Variants in OTUD7A observed in about 807,000 individuals in gnomAD.
OTUD7A encodes the protein OTU deubiquitinase 7A.
Under a neutral mutation model 65.7 loss-of-function variants are expected in OTUD7A, and 12 were observed. The ratio of observed to expected loss-of-function variants is 0.18; its 90% CI spans 0.12 to 0.30. The LOEUF (loss-of-function observed/expected upper bound fraction) is 0.30. Among genes scored for constraint, OTUD7A ranks in the 10% least tolerant of loss-of-function variants. The probability of loss-of-function intolerance (pLI) is 1.00; values close to 1 mark genes in which losing one functional copy is unlikely to be tolerated. For missense variants in OTUD7A, 1,148 were observed against 1,304.8 expected (o/e 0.88, Z 1.85); for synonymous variants, 641 against 586.3 (o/e 1.09, Z -1.35).
At chr15:31,604,047 G>A (rs1890163044) in intron 3 of OTUD7A, among the ~76,000 whole-genome samples, 1 of 152,176 alleles carries the variant, frequency 6.6e-6, no homozygotes, top group Non-Finnish European at 1.5e-5. Flanking sequence ...GATTCCTCAA[G>A]GATCTATAAC....
At chr15:31,560,254 C>T (rs1888646894) in intron 4 of OTUD7A, among the ~76,000 whole-genome samples, 1 of 152,216 alleles carries the variant, frequency 6.6e-6, no homozygotes. Context: ...TCCTACATGG[C>T]CCTCCCAGGA....
chr15:31,777,279 C>T (rs1050342251), intron 1 of OTUD7A, among the ~76,000 whole-genome samples: 74 of 152,328 alleles, frequency 4.9e-4, no homozygotes, highest in African/African-American at 1.6e-3. Flanking sequence ...GACCTTATCA[C>T]CTCCCTAAGG....
chr15:31,755,531 C>T (rs1894787676), intron 1 of OTUD7A, among the ~76,000 whole-genome samples: 1 of 152,100 alleles, frequency 6.6e-6, no homozygotes, highest in South Asian at 2.1e-4. Context: ...ACCATTCTGG[C>T]TAACACGGTG....
intron 8 of OTUD7A, among the ~76,000 whole-genome samples, chr15:31,514,503 T>C (rs2041813364): frequency 6.6e-6 from 1 of 152,258 alleles, no homozygotes; most frequent in African/African-American, 2.4e-5. Flanking sequence ...TCAATATTTA[T>C]AGAAAACCTT....
Position 31,527,259 on chromosome 15 carries a change from A to G in OTUD7A, c.702T>C (p.Tyr234=). The change falls in exon 7 of 13, where the codon TAT becomes TAC. Residue 234 remains tyrosine (Y), a synonymous_variant. Coordinates refer to ENST00000307050, the MANE Select transcript of OTUD7A (RefSeq NM_001382637.1). ...TCTCAGCTCCCGTCCTCATCATGGT[A>G]TAGAGAGCTTTCCGTAACACCAGGT... is the stretch of plus-strand genomic sequence containing the variant. ...DRDLVLRKAL[Y]TMMRTGAERE... 1.2e-6 allele frequency: 2 copies of G among 1,614,178 alleles called. No individual in the cohort carries two copies. The highest frequency in any genetic ancestry group is 1.7e-6 in the Non-Finnish European group (2 of 1,180,024).
intron 3 of OTUD7A, among the ~76,000 whole-genome samples, chr15:31,583,318 C>A (rs553020733): frequency 6.6e-6 from 1 of 152,282 alleles, no homozygotes; most frequent in African/African-American, 2.4e-5. Flanking sequence ...AGATGCATGG[C>A]AGAGGCAGAC....
intron 1 of OTUD7A, among the ~76,000 whole-genome samples, 174 bp downstream of exon 1, chr15:31,870,333 C>CCCCCCGCGT (rs1897994446): frequency 2.7e-5 from 4 of 146,434 alleles, no homozygotes; most frequent in African/African-American, 7.4e-5. Flanking sequence ...GGGGCCCGCG[C>CCCCCCGCGT]CCCCCGCGTC....
chr15:31,526,190 G>A (rs749103313), intron 8 of OTUD7A, among the ~76,000 whole-genome samples, 159 bp downstream of exon 8: 37 of 152,268 alleles, frequency 2.4e-4, no homozygotes, highest in Middle Eastern at 3.4e-3. Context: ...CCTCCCGTGC[G>A]TCCTTGTCTT....
At chr15:31,548,498 G>C (rs1264817565) in intron 5 of OTUD7A, among the ~76,000 whole-genome samples, 1 of 152,132 alleles carries the variant, frequency 6.6e-6, no homozygotes, top group African/African-American at 2.4e-5. Context: ...AGGTCTCGTG[G>C]CATGGGCAGG....
intron 1 of OTUD7A, among the ~76,000 whole-genome samples, chr15:31,785,568 T>A (rs1334823081): frequency 1.3e-5 from 2 of 152,148 alleles, no homozygotes; most frequent in Admixed American, 6.5e-5. Flanking sequence ...CTGACCAACT[T>A]GGAAGCTACT....
At chr15:31,575,195 G>A (rs1262818920) in intron 3 of OTUD7A, among the ~76,000 whole-genome samples, 1 of 152,196 alleles carries the variant, frequency 6.6e-6, no homozygotes, top group Non-Finnish European at 1.5e-5. Context: ...AATAAGTCAA[G>A]TAGCCAACCT....
intron 3 of OTUD7A, among the ~76,000 whole-genome samples, chr15:31,633,095 G>A (rs1891230095): frequency 6.6e-6 from 1 of 152,232 alleles, no homozygotes; most frequent in Non-Finnish European, 1.5e-5. Flanking sequence ...GCCTTGCCCT[G>A]CTTCGGCCCA....
chr15:31,686,458 C>T (rs1023997772), intron 1 of OTUD7A, among the ~76,000 whole-genome samples: 30 of 152,244 alleles, frequency 2.0e-4, no homozygotes, highest in Admixed American at 2.0e-3. Flanking sequence ...CAGTGATTTC[C>T]TTGGTGTTGA....
chr15:31,734,763 A>T (rs1214077145), intron 1 of OTUD7A, among the ~76,000 whole-genome samples: 1 of 151,920 alleles, frequency 6.6e-6, no homozygotes, highest in Non-Finnish European at 1.5e-5. Flanking sequence ...CTCAAGATGG[A>T]TTAAAGACTT....
chr15:31,645,526 CATG>C (rs1198956796), intron 3 of OTUD7A, among the ~76,000 whole-genome samples: 1 of 152,224 alleles, frequency 6.6e-6, no homozygotes, highest in Non-Finnish European at 1.5e-5. Context: ...AAAACCCCTG[CATG>C]ATATTACTTC....
intron 1 of OTUD7A, among the ~76,000 whole-genome samples, chr15:31,795,077 T>C (rs1043878977): frequency 2.6e-5 from 4 of 152,242 alleles, no homozygotes; most frequent in Non-Finnish European, 5.9e-5. Context: ...AATGAGACTA[T>C]CCTTTGAAGA....
At chr15:31,511,060 CATACAT>C (rs1185545624) in intron 8 of OTUD7A, among the ~76,000 whole-genome samples, 3 of 67,820 alleles carry the variant, frequency 4.4e-5, no homozygotes, top group African/African-American at 9.6e-5. Flanking sequence ...CTATATGTAA[CATACAT>C]ATATATGTAT....
rs145581747 is a variant in OTUD7A at position 31,796,142 on chromosome 15, C to CGTGTGTGTGTGTGTGTGTGTGTGT, written c.-100+74341_-100+74364dup. Among the ~76,000 whole-genome samples the CGTGTGTGTGTGTGTGTGTGTGTGT allele has an allele frequency of 2.7e-3, 402 of 148,110 alleles. 13 individuals are homozygous for CGTGTGTGTGTGTGTGTGTGTGTGT. Among genetic ancestry groups the CGTGTGTGTGTGTGTGTGTGTGTGT allele is most frequent in the Admixed American group, 0.025 (376 of 14,822 alleles). On this transcript the variant is annotated intron_variant, in intron 1 of 12. Coordinates refer to ENST00000307050, the MANE Select transcript of OTUD7A (RefSeq NM_001382637.1). Reference sequence around the variant, plus strand: ...AGAGAAGCAGAACCAGTAAGGGGTGCGTGTGTGTGTGTGTGTGTGTGTGTA... The same window carrying CGTGTGTGTGTGTGTGTGTGTGTGT: ...AGAGAAGCAGAACCAGTAAGGGGTGCGTGTGTGTGTGTGTGTGTGTGTGTGTGTGTGTGTGTGTGTGTGTGTGTA...
intron 5 of OTUD7A, among the ~76,000 whole-genome samples, chr15:31,544,724 T>C (rs550557474): frequency 1.5e-4 from 23 of 151,984 alleles, no homozygotes; most frequent in Non-Finnish European, 2.8e-4. Flanking sequence ...CCCTGTTCAA[T>C]AGCTGGTAGA....
Sources: allele counts gnomAD v4.1 joint callset (sites outside exome capture counted in the v4.1 genomes callset), GRCh38; gene constraint gnomAD v4.1.1; transcripts MANE v1.5; gene names NCBI Gene and HGNC (gene_info 2026-07-23, HGNC 2026-07-21).